The following PRKD1 variants were observed in gnomAD, a reference collection of about 807,000 sequenced individuals.
PRKD1 encodes protein kinase D1.
A neutral mutation model predicts 95.9 loss-of-function variants in PRKD1; 63 were observed. The observed-to-expected ratio is 0.66, with a 90% CI of 0.54 to 0.81. The LOEUF is 0.81. Among genes scored for constraint, PRKD1 ranks in the 30% least tolerant of loss-of-function variants. The pLI is 0.00. For synonymous variants in PRKD1, 425 were observed against 423.1 expected (o/e 1.00, Z -0.05); for missense variants, 1,048 against 1,165.3 (o/e 0.90, Z 1.47).
intron 1 of PRKD1, among the ~76,000 whole-genome samples, chr14:29,775,725 C>A (rs1006322276): frequency 6.6e-5 from 10 of 152,016 alleles, no homozygotes; most frequent in Admixed American, 6.5e-4. Context: ...GGGGGCAGGG[C>A]ATAGCTGAAT....
At chr14:29,743,594 A>G (rs981272205) in intron 1 of PRKD1, among the ~76,000 whole-genome samples, 3 of 152,202 alleles carry the variant, frequency 2.0e-5, no homozygotes, top group Non-Finnish European at 4.4e-5. Context: ...ATCAAAATTC[A>G]GATTGCAGAC....
chr14:29,683,326 C>CTGGT (rs755998627), intron 2 of PRKD1, among the ~76,000 whole-genome samples: 291 of 152,262 alleles, frequency 1.9e-3, no homozygotes, highest in Non-Finnish European at 2.0e-3. Context: ...CAGGAACCAA[C>CTGGT]TGGTACCACT....
chr14:29,628,752 T>C (rs770217119), intron 11 of PRKD1, among the ~76,000 whole-genome samples: 7 of 152,110 alleles, frequency 4.6e-5, no homozygotes, highest in Non-Finnish European at 8.8e-5. Context: ...ATATCAACCA[T>C]TAAAATTCCA....
chr14:29,785,810 C>T (rs182905976), intron 1 of PRKD1, among the ~76,000 whole-genome samples: 64 of 147,896 alleles, frequency 4.3e-4, no homozygotes, highest in South Asian at 4.3e-4. Context: ...TACCCTAAAA[C>T]TTAAAGTATA....
At chr14:29,759,314 A>T (rs945743523) in intron 1 of PRKD1, among the ~76,000 whole-genome samples, 2 of 152,184 alleles carry the variant, frequency 1.3e-5, no homozygotes, top group Admixed American at 1.3e-4. Flanking sequence ...CACCTGAAAG[A>T]GCATGTCAAT....
chr14:29,621,603 G>T (rs1566492259), intron 13 of PRKD1, among the ~76,000 whole-genome samples: 1 of 152,126 alleles, frequency 6.6e-6, no homozygotes, highest in Non-Finnish European at 1.5e-5. Context: ...ATGACCCATT[G>T]TACAGGTTAT....
At position 29,927,254 on chromosome 14, in the gene PRKD1, G is replaced by T. The variant is rs776012597; in HGVS notation, c.259C>A (p.Gln87Lys). ...GCAGCGGTGCGGCGACTTACCTTCT[G>T]GTCGACAATGGAGCAAGCCATCTCG... is the stretch of plus-strand genomic sequence containing the variant. Reference protein sequence around the residue: ...VREMACSIVDQKFPECGFYGM... With the variant: ...VREMACSIVDKKFPECGFYGM... Residue 87 changes from glutamine (Q) to lysine (K), a missense_variant, in exon 1 of 18, where the codon CAG (glutamine) becomes AAG (lysine). This residue lies in a region of PRKD1 where 275 missense variants were observed against 248.6 expected (regional missense o/e 1.11). Coordinates refer to ENST00000331968, the MANE Select transcript of PRKD1 (RefSeq NM_002742.3). The T allele has an allele frequency of 1.3e-6, 2 of 1,505,036 alleles. No individual in the cohort carries two copies. Among genetic ancestry groups the T allele is most frequent in the Non-Finnish European group, 1.8e-6 (2 of 1,127,360 alleles). 93.2% of individuals were successfully genotyped at this position (1,505,036 alleles called of 1,614,324 possible). A position where few individuals can be genotyped will look rare whatever the true frequency, so the allele number is the denominator to read the frequency against.
intron 1 of PRKD1, among the ~76,000 whole-genome samples, chr14:29,814,926 A>G (rs1566616058): frequency 6.6e-6 from 1 of 152,240 alleles, no homozygotes; most frequent in African/African-American, 2.4e-5. Context: ...AGGATGGTTT[A>G]ATATTTAAAT....
intron 1 of PRKD1, among the ~76,000 whole-genome samples, chr14:29,829,689 GA>G (rs919053160): frequency 2.0e-5 from 3 of 151,886 alleles, no homozygotes; most frequent in Non-Finnish European, 2.9e-5. Flanking sequence ...CCTCACATTA[GA>G]AAAAAATAGA....
At chr14:29,790,007 CTTTTTTTTTTT>C (rs34880091) in intron 1 of PRKD1, among the ~76,000 whole-genome samples, 5 of 97,310 alleles carry the variant, frequency 5.1e-5, no homozygotes, top group Admixed American at 2.5e-4. Flanking sequence ...AGCAAGTTGT[CTTTTTTTTTTT>C]TTTTTTTTTT....
At chr14:29,864,039 A>G (rs956796168) in intron 1 of PRKD1, among the ~76,000 whole-genome samples, 5 of 152,118 alleles carry the variant, frequency 3.3e-5, no homozygotes, top group African/African-American at 1.2e-4. Flanking sequence ...CAAAATTCAG[A>G]TGTAAGGTAT....
chr14:29,869,489 C>T (rs1186688614), intron 1 of PRKD1, among the ~76,000 whole-genome samples: 1 of 150,766 alleles, frequency 6.6e-6, no homozygotes, highest in Non-Finnish European at 1.5e-5. Context: ...CTATGCTGAA[C>T]ATCACCTTGT....
At chr14:29,686,029 G>A (rs1364296193) in intron 2 of PRKD1, among the ~76,000 whole-genome samples, 1 of 152,034 alleles carries the variant, frequency 6.6e-6, no homozygotes, top group Non-Finnish European at 1.5e-5. Context: ...TTATAAGGGG[G>A]GAAGACACGA....
intron 1 of PRKD1, among the ~76,000 whole-genome samples, chr14:29,893,675 G>A (rs942578633): frequency 4.6e-5 from 7 of 152,178 alleles, no homozygotes; most frequent in African/African-American, 1.4e-4. Flanking sequence ...GTGGTTCTTA[G>A]TGTCTTCCAT....
chr14:29,778,404 GAAGAA>G (rs1168559260), intron 1 of PRKD1, among the ~76,000 whole-genome samples: 17 of 152,054 alleles, frequency 1.1e-4, no homozygotes, highest in Admixed American at 3.3e-4. Context: ...GATTAACAAA[GAAGAA>G]AAGAGAGAAG....
intron 1 of PRKD1, among the ~76,000 whole-genome samples, chr14:29,805,181 C>T (rs1054035923): frequency 6.6e-6 from 1 of 152,156 alleles, no homozygotes; most frequent in Non-Finnish European, 1.5e-5. Context: ...GACCATGCTG[C>T]TATTAATAGT....
intron 2 of PRKD1, among the ~76,000 whole-genome samples, chr14:29,700,988 GCA>G (rs1555337072): frequency 1.2e-4 from 11 of 90,586 alleles, no homozygotes; most frequent in South Asian, 3.8e-4. Flanking sequence ...GCGCGCGCGC[GCA>G]CACACACACA....
chr14:29,903,879 G>A (rs993308484), intron 1 of PRKD1, among the ~76,000 whole-genome samples: 8 of 151,788 alleles, frequency 5.3e-5, no homozygotes, highest in African/African-American at 1.7e-4. Flanking sequence ...TAAATTTATC[G>A]TAAAAATAAA....
intron 1 of PRKD1, among the ~76,000 whole-genome samples, chr14:29,837,632 G>A (rs891474389): frequency 6.6e-6 from 1 of 151,978 alleles, no homozygotes; most frequent in African/African-American, 2.4e-5. Context: ...TCAATACAAG[G>A]TCTGATTTTA....
Sources: gnomAD v4.1 joint callset for allele counts (sites outside exome capture counted in the v4.1 genomes callset) on GRCh38, gnomAD v4.1.1 for gene constraint, gnomAD v4.1.1 regional missense constraint, MANE v1.5 for transcripts, NCBI Gene and HGNC (gene_info 2026-07-23, HGNC 2026-07-21) for gene names.